SCMH1: variants seen among roughly 807,000 people sequenced by gnomAD.
The protein encoded by SCMH1 is polycomb protein SCMH1.
SCMH1 carries 37 observed loss-of-function variants against 70.8 expected under a neutral mutation model. The observed-to-expected ratio is 0.52, with a 90% CI of 0.40 to 0.69. The LOEUF is 0.69. Among genes scored for constraint, SCMH1 ranks in the 30% least tolerant of loss-of-function variants. The pLI is 0.00. For synonymous variants in SCMH1, 292 were observed against 307.4 expected (o/e 0.95, Z 0.52); for missense variants, 607 against 827.3 (o/e 0.73, Z 3.27).
intron 10 of SCMH1, among the ~76,000 whole-genome samples, chr1:41,065,826 T>C (rs1250969764): frequency 1.3e-5 from 2 of 151,718 alleles, no homozygotes; most frequent in East Asian, 3.9e-4. Flanking sequence ...AAAAGGATAA[T>C]AGACCTAAAT....
intron 6 of SCMH1, among the ~76,000 whole-genome samples, chr1:41,139,290 T>C (rs1201463864): frequency 6.6e-6 from 1 of 152,196 alleles, no homozygotes; most frequent in Non-Finnish European, 1.5e-5. Context: ...TAGGCCCCCA[T>C]TGTTCTCTCC....
intron 13 of SCMH1, 114 bp from the exon 15 acceptor site, chr1:41,028,840 C>T (rs557757231): frequency 6.1e-5 from 71 of 1,157,830 alleles, no homozygotes; most frequent in Non-Finnish European, 7.8e-5. Flanking sequence ...TAGTGCCAGA[C>T]GATGAGCTGA....
chr1:41,152,902 G>A (rs1017230564), intron 4 of SCMH1, among the ~76,000 whole-genome samples: 4 of 152,176 alleles, frequency 2.6e-5, no homozygotes, highest in Non-Finnish European at 5.9e-5. Context: ...ATCACAGTCA[G>A]TTCTGAACTA....
At chr1:41,083,154 G>A (rs1660557751) in intron 8 of SCMH1, among the ~76,000 whole-genome samples, 2 of 152,120 alleles carry the variant, frequency 1.3e-5, no homozygotes, top group South Asian at 4.1e-4. Context: ...GAAATAAAGG[G>A]TATTTAATTA....
At chr1:41,075,297 G>A in exon 9 of SCMH1, 1 of 1,614,160 alleles carries the variant, frequency 6.2e-7, no homozygotes, top group Non-Finnish European at 8.5e-7. Flanking sequence ...AGATGGGATG[G>A]GAAATTAGGG....
At chr1:41,154,138 T>A (rs943644451) in intron 4 of SCMH1, among the ~76,000 whole-genome samples, 3 of 152,190 alleles carry the variant, frequency 2.0e-5, no homozygotes, top group African/African-American at 7.2e-5. Context: ...TTGCCAGACC[T>A]CTGGTATAAA....
intron 1 of SCMH1, among the ~76,000 whole-genome samples, chr1:41,203,075 C>T (rs1461749435): frequency 2.6e-5 from 4 of 151,630 alleles, no homozygotes; most frequent in Admixed American, 2.6e-4. Flanking sequence ...TTTTATTTAA[C>T]CCAGTATATC....
chr1:41,214,779 C>A (rs1291780790), intron 1 of SCMH1, among the ~76,000 whole-genome samples: 2 of 152,060 alleles, frequency 1.3e-5, no homozygotes, highest in Non-Finnish European at 1.5e-5. Context: ...GAGGGTCTGA[C>A]AGGGTGTCCA....
chr1:41,036,716 G>A (rs1398768133), intron 13 of SCMH1, among the ~76,000 whole-genome samples: 2 of 152,272 alleles, frequency 1.3e-5, no homozygotes, highest in African/African-American at 4.8e-5. Flanking sequence ...TTGAGTCTCA[G>A]TATTACATTT....
At chr1:41,114,269 A>T (rs1012422345) in intron 7 of SCMH1, among the ~76,000 whole-genome samples, 1 of 152,200 alleles carries the variant, frequency 6.6e-6, no homozygotes, top group African/African-American at 2.4e-5. Flanking sequence ...GTAACATTGT[A>T]TACTTTCACC....
chr1:41,143,131 G>A lies in SCMH1; in HGVS notation c.178-19C>T, dbSNP rs766830519. On this transcript the variant is annotated intron_variant, in intron 5 of 14. Coordinates refer to ENST00000337495, the Ensembl canonical transcript of SCMH1. Reference sequence around the variant, plus strand: ...TGTAGGACTGGGAAAAACAAGGCATGAGGTATAGACAGATTAAGAGTAAAA... The same window carrying A: ...TGTAGGACTGGGAAAAACAAGGCATAAGGTATAGACAGATTAAGAGTAAAA... The A allele has an allele frequency of 7.5e-6, 12 of 1,600,780 alleles. No homozygotes were observed. The South Asian group carries it at 9.9e-5, about 13-fold the overall frequency.
chr1:41,172,347 TA>T (rs200324786), intron 2 of SCMH1, among the ~76,000 whole-genome samples: 15 of 150,054 alleles, frequency 1.0e-4, no homozygotes, highest in Admixed American at 2.0e-4. Flanking sequence ...ACAATAGCTA[TA>T]AAAAAAAACC....
chr1:41,087,622 C>T (rs1233213830), intron 8 of SCMH1, among the ~76,000 whole-genome samples: 1 of 152,044 alleles, frequency 6.6e-6, no homozygotes, highest in East Asian at 1.9e-4. Flanking sequence ...AACCAGTTCT[C>T]ACCCATCAGA....
chr1:41,207,822 T>C (rs1342742282), intron 1 of SCMH1, among the ~76,000 whole-genome samples: 3 of 151,710 alleles, frequency 2.0e-5, no homozygotes, highest in Non-Finnish European at 4.4e-5. Flanking sequence ...TTTTACACTG[T>C]TGGTGGGACT....
chr1:41,240,996 A>C (rs1663400935), intron 1 of SCMH1, among the ~76,000 whole-genome samples: 1 of 152,182 alleles, frequency 6.6e-6, no homozygotes. Context: ...GACTCAGGGG[A>C]CATGATTACT....
At chr1:41,128,069 T>G (rs1039829227) in intron 6 of SCMH1, among the ~76,000 whole-genome samples, 1 of 152,236 alleles carries the variant, frequency 6.6e-6, no homozygotes, top group African/African-American at 2.4e-5. Flanking sequence ...ATTTGCTATT[T>G]ATTTTACACT....
chr1:41,060,008 GAA>G (rs67619506), intron 10 of SCMH1, among the ~76,000 whole-genome samples: 2 of 138,936 alleles, frequency 1.4e-5, no homozygotes, highest in South Asian at 4.4e-4. Flanking sequence ...AAAAAAGACT[GAA>G]AAAAAAAAAC....
intron 1 of SCMH1, among the ~76,000 whole-genome samples, chr1:41,193,920 T>C (rs1479434619): frequency 1.3e-5 from 2 of 152,236 alleles, no homozygotes; most frequent in African/African-American, 2.4e-5. Context: ...CACTTTTTCA[T>C]AGACTTTTAT....
At chr1:41,101,767 T>C (rs1413957528) in intron 8 of SCMH1, among the ~76,000 whole-genome samples, 1 of 151,654 alleles carries the variant, frequency 6.6e-6, no homozygotes, top group East Asian at 1.9e-4. Context: ...CAAATGCTTT[T>C]TCCTGAGTCA....
Sources: gnomAD v4.1 joint callset for allele counts (sites outside exome capture counted in the v4.1 genomes callset) on GRCh38, gnomAD v4.1.1 for gene constraint, MANE v1.5 for transcripts, NCBI Gene and HGNC (gene_info 2026-07-23, HGNC 2026-07-21) for gene names.